The following OR2C1 variants were observed in gnomAD, a reference collection of about 807,000 sequenced individuals.
The protein encoded by OR2C1 is olfactory receptor 2C1.
For missense variants in OR2C1, 468 were observed against 388.3 expected, an observed-to-expected ratio of 1.21 and a Z score of -1.73; for synonymous variants, 209 against 167.3, an observed-to-expected ratio of 1.25 and a Z score of -1.92.
At chr16:3,357,845 G>A (rs143984855), downstream of OR2C1, among the ~76,000 whole-genome samples, 1,493 of 152,138 alleles carry the variant, frequency 9.8e-3, 20 homozygotes, top group African/African-American at 0.034. Flanking sequence ...GCCTTGCATC[G>A]TGGCACATGC....
In OR2C1 at chr16:3,356,452, A is replaced by AC. The variant is rs765657388; in HGVS notation, c.514dup (p.Arg172ProfsTer161). The AC allele has an allele frequency of 2.5e-6, 4 of 1,613,984 alleles. No individual in the cohort carries two copies. The highest frequency in any genetic ancestry group is 3.4e-6 in the Non-Finnish European group (4 of 1,180,032). ...ACTCTGCAGCTCCCATTGTGTGGGC[A>AC]CCGGAGGGTGGAGGGATTCCTCTGC... On this transcript the variant is annotated frameshift_variant, in exon 1 of 1. Transcript: ENST00000304936. LOFTEE classifies it low-confidence loss of function (END_TRUNC).
chr16:3,352,705 ATGAGCAGTGTCTTTC>A (rs1227955592), upstream of OR2C1, among the ~76,000 whole-genome samples: 1 of 150,420 alleles, frequency 6.6e-6, no homozygotes, highest in Non-Finnish European at 1.5e-5. Context: ...TTGGAAGAAG[ATGAGCAGTGTCTTTC>A]TGTCTGTTTC....
the OR2C1 span, among the ~76,000 whole-genome samples, chr16:3,347,269 G>A: frequency 7.9e-4 from 54 of 68,250 alleles, no homozygotes; most frequent in Admixed American, 4.7e-3. Context: ...AAAAAAAAAG[G>A]AGCCAAGGAT....
chr16:3,326,322 A>G, the OR2C1 span, among the ~76,000 whole-genome samples: 4 of 152,002 alleles, frequency 2.6e-5, no homozygotes, highest in Admixed American at 6.6e-5. Context: ...TTCGGAAGTA[A>G]ATACACTCTC....
chr16:3,335,681 C>T, the OR2C1 span, among the ~76,000 whole-genome samples: 1 of 152,080 alleles, frequency 6.6e-6, no homozygotes, highest in East Asian at 1.9e-4. Flanking sequence ...CGCCCACCAC[C>T]ACATCCAGCT....
the OR2C1 span, among the ~76,000 whole-genome samples, chr16:3,345,769 C>T: frequency 2.0e-5 from 3 of 149,512 alleles, no homozygotes; most frequent in East Asian, 5.9e-4. Context: ...TTCTCTCTTT[C>T]TCTCCCTCTT....
chr16:3,357,736 C>T (rs2030706765), downstream of OR2C1, among the ~76,000 whole-genome samples: 1 of 152,128 alleles, frequency 6.6e-6, no homozygotes, highest in Non-Finnish European at 1.5e-5. Flanking sequence ...AATCCCAGCA[C>T]TTTGGGAGGC....
At chr16:3,352,094 T>C (rs1424204476), upstream of OR2C1, among the ~76,000 whole-genome samples, 1 of 152,020 alleles carries the variant, frequency 6.6e-6, no homozygotes, top group African/African-American at 2.4e-5. Context: ...TAATCATGCA[T>C]TGTATCTGTG....
chr16:3,337,680 C>T, the OR2C1 span, among the ~76,000 whole-genome samples: 1 of 151,822 alleles, frequency 6.6e-6, no homozygotes, highest in African/African-American at 2.4e-5. Context: ...CATTGAGTTT[C>T]CTTAGAAATG....
At chr16:3,327,329 G>T in the OR2C1 span, among the ~76,000 whole-genome samples, 1 of 151,978 alleles carries the variant, frequency 6.6e-6, no homozygotes, top group Non-Finnish European at 1.5e-5. Flanking sequence ...CCCTTAAATA[G>T]TTCAGTTTGT....
the OR2C1 span, among the ~76,000 whole-genome samples, chr16:3,328,319 T>C: frequency 4.4e-3 from 671 of 152,350 alleles, 16 homozygotes; most frequent in South Asian, 0.03. Context: ...TAAGCTACTG[T>C]TTATTACCTT....
At chr16:3,351,202 TTTTCTTTTTTTCTTTTTCTTTTTC>T (rs772434751), upstream of OR2C1, among the ~76,000 whole-genome samples, 7,148 of 24,374 alleles carry the variant, frequency 0.29, 808 homozygotes, top group African/African-American at 0.32. Context: ...TTTAAGTCTT[TTTTCTTTTTTTCTTTTTCTTTTTC>T]TTTTTTTTTT....
chr16:3,348,862 C>T, the OR2C1 span, among the ~76,000 whole-genome samples: 1 of 152,156 alleles, frequency 6.6e-6, no homozygotes, highest in Admixed American at 6.5e-5. Context: ...GTCTAAGGCT[C>T]ATGTCCCTGA....
In OR2C1 at chr16:3,356,767, T is replaced by C. The variant is rs754454870; in HGVS notation, c.827T>C (p.Leu276Pro). 1 of 1,614,188 alleles carries C rather than the reference T, an allele frequency of 6.2e-7. No homozygotes were observed. Among genetic ancestry groups the C allele is most frequent in the Non-Finnish European group, 8.5e-7 (1 of 1,180,020 alleles). Residue 276 changes from leucine (L) to proline (P), a missense_variant, in exon 1 of 1, where the codon CTG (leucine) becomes CCG (proline). Leu to Pro is a moderately conservative substitution (Grantham distance 98). Transcript: ENST00000304936. ...CAGGACCAGGGCAAGTTCATTTCCC[T>C]GTTCTACTCGTTGGTCACACCCATG... Reference protein sequence around the residue: ...SKQDQGKFISLFYSLVTPMVN... With the variant: ...SKQDQGKFISPFYSLVTPMVN...
At chr16:3,350,252 C>G in the OR2C1 span, among the ~76,000 whole-genome samples, 2 of 150,152 alleles carry the variant, frequency 1.3e-5, no homozygotes, top group East Asian at 4.0e-4. Context: ...GAGGGGGTTT[C>G]CCATGTTGGC....
the OR2C1 span, among the ~76,000 whole-genome samples, chr16:3,340,405 T>G: frequency 1.4e-3 from 209 of 152,338 alleles, no homozygotes; most frequent in African/African-American, 4.3e-3. Flanking sequence ...TTTCTCTACC[T>G]CTATAGATTT....
At position 3,356,160 on chromosome 16, in the gene OR2C1, G is replaced by A. The variant is rs188328730; in HGVS notation, c.220G>A (p.Ala74Thr). 73 of 1,614,070 alleles carry A rather than the reference G, an allele frequency of 4.5e-5. No homozygotes were observed. The Admixed American group carries it at 8.2e-4, about 18-fold the overall frequency. The change falls in exon 1 of 1, where the codon GCT (alanine) becomes ACT (threonine). Residue 74 changes from alanine (A) to threonine (T), a missense_variant. Coordinates refer to ENST00000304936, the MANE Select transcript of OR2C1 (RefSeq NM_012368.3). ...SNLSSLDLAF[A>T]TSSVPQMLIN... ...CCTCTCCTCCTTGGACCTTGCTTTC[G>A]CTACTAGTTCAGTCCCCCAAATGCT...
the OR2C1 span, among the ~76,000 whole-genome samples, chr16:3,345,638 C>A: frequency 3.3e-3 from 504 of 152,196 alleles, 3 homozygotes; most frequent in African/African-American, 0.011. Context: ...AATTACATAT[C>A]AAACACATCA....
At chr16:3,347,191 G>A in the OR2C1 span, among the ~76,000 whole-genome samples, 3 of 136,812 alleles carry the variant, frequency 2.2e-5, no homozygotes, top group African/African-American at 8.2e-5. Flanking sequence ...AGGTTGCAGT[G>A]AGCCAAGATG....
Sources: allele counts gnomAD v4.1 joint callset (sites outside exome capture counted in the v4.1 genomes callset), GRCh38; gene constraint gnomAD v4.1.1; transcripts MANE v1.5; gene names NCBI Gene and HGNC (gene_info 2026-07-23, HGNC 2026-07-21).